The following RABGAP1L variants were observed in gnomAD, a reference collection of about 807,000 sequenced individuals.
RABGAP1L encodes the protein RAB GTPase activating protein 1 like, also known as rab GTPase-activating protein 1-like.
In RABGAP1L, 63 loss-of-function variants were observed where a neutral mutation model predicts 137.7. The observed-to-expected ratio is 0.46, with a 90% CI of 0.37 to 0.56. RABGAP1L has a LOEUF of 0.56. Ranked by LOEUF, RABGAP1L falls within the 20% of genes least tolerant of loss-of-function variation. The probability of loss-of-function intolerance (pLI) is 0.00; values close to 1 mark genes in which losing one functional copy is unlikely to be tolerated. For missense variants in RABGAP1L, 1,095 were observed against 1,244.0 expected, an observed-to-expected ratio of 0.88 and a Z score of 1.80; for synonymous variants, 431 against 433.7, an observed-to-expected ratio of 0.99 and a Z score of 0.08.
At chr1:174,560,730 T>C (rs1667158186) in intron 13 of RABGAP1L, among the ~76,000 whole-genome samples, 1 of 152,100 alleles carries the variant, frequency 6.6e-6, no homozygotes, top group Non-Finnish European at 1.5e-5. Flanking sequence ...CTCCCCCTTC[T>C]AGTAGTCCTT....
At chr1:174,921,016 G>A (rs771037473) in intron 19 of RABGAP1L, among the ~76,000 whole-genome samples, 5 of 152,146 alleles carry the variant, frequency 3.3e-5, no homozygotes, top group Non-Finnish European at 5.9e-5. Context: ...TCCGCCTCCC[G>A]GGTTCAAGCA....
At position 174,699,606 on chromosome 1, in the gene RABGAP1L, G is replaced by A. The variant is rs1248110639; in HGVS notation, c.1981G>A (p.Glu661Lys). 5 of 1,609,218 alleles carry A rather than the reference G, an allele frequency of 3.1e-6. No individual in the cohort carries two copies. The highest frequency in any genetic ancestry group is 1.1e-5 in the South Asian group (1 of 90,946). The change falls in exon 16 of 26, where the codon GAA becomes AAA. Residue 661 changes from glutamate to lysine, a missense_variant. By Grantham distance (56) the Glu-to-Lys change is moderately conservative. This residue lies in a region of RABGAP1L where 315 missense variants were observed against 324.8 expected (regional missense o/e 0.97). Transcript: ENST00000681986. ...GLRDLYRNNFEDLHCKFYQLE... is the reference protein window; with the variant it reads ...GLRDLYRNNFKDLHCKFYQLE... Reference sequence around the variant, plus strand: ...GAGAGACCTCTACAGAAACAACTTCGAAGATCTTCATTGCAAATTCTACCA... The same window carrying A: ...GAGAGACCTCTACAGAAACAACTTCAAAGATCTTCATTGCAAATTCTACCA...
At chr1:174,369,182 T>C (rs1265838850) in intron 11 of RABGAP1L, among the ~76,000 whole-genome samples, 1 of 152,168 alleles carries the variant, frequency 6.6e-6, no homozygotes, top group Non-Finnish European at 1.5e-5. Context: ...AAGTTTAACC[T>C]GTCTTCCAGA....
At position 174,763,250 on chromosome 1, in the gene RABGAP1L, G is replaced by A. The variant is rs186693252; in HGVS notation, c.2211+10896G>A. Among the ~76,000 whole-genome samples, 192 of 152,256 alleles carry A rather than the reference G, an allele frequency of 1.3e-3. 1 individual carries two copies. The highest frequency in any genetic ancestry group is 4.3e-3 in the African/African-American group (180 of 41,558). On this transcript the variant is annotated intron_variant, in intron 18 of 25. Transcript: ENST00000681986. Reference sequence around the variant, plus strand: ...TGTACAATTAGTGGCTGGGTGTGGTGGCTCATGCCTGTAATCCCAGCACTT... The same window carrying A: ...TGTACAATTAGTGGCTGGGTGTGGTAGCTCATGCCTGTAATCCCAGCACTT...
intron 18 of RABGAP1L, among the ~76,000 whole-genome samples, chr1:174,770,526 C>T (rs1686033412): frequency 6.6e-6 from 1 of 152,164 alleles, no homozygotes; most frequent in African/African-American, 2.4e-5. Flanking sequence ...AATAAACACA[C>T]CATTTCCAAG....
At chr1:174,679,244 A>G (rs1032742548) in intron 14 of RABGAP1L, among the ~76,000 whole-genome samples, 3 of 152,160 alleles carry the variant, frequency 2.0e-5, no homozygotes, top group African/African-American at 7.2e-5. Flanking sequence ...CTAAGCTGCA[A>G]GCCCCGTGTT....
chr1:174,876,685 G>C (rs950601740), intron 19 of RABGAP1L, among the ~76,000 whole-genome samples: 2 of 152,156 alleles, frequency 1.3e-5, no homozygotes, highest in Admixed American at 6.5e-5. Context: ...AAAAGATGAA[G>C]AGAACTTTTA....
At chr1:174,175,198 A>G (rs1665733925) in intron 1 of RABGAP1L, among the ~76,000 whole-genome samples, 1 of 152,172 alleles carries the variant, frequency 6.6e-6, no homozygotes, top group Non-Finnish European at 1.5e-5. Context: ...GTTCAGTACA[A>G]TATTATATAA....
chr1:174,561,588 A>G lies in RABGAP1L; in HGVS notation c.1711-75787A>G, dbSNP rs189455980. Among the ~76,000 whole-genome samples the G allele has an allele frequency of 1.3e-3, 191 of 152,350 alleles. 1 individual carries two copies. The highest frequency in any genetic ancestry group is 4.5e-3 in the African/African-American group (186 of 41,580). On this transcript the variant is annotated intron_variant, in intron 13 of 25. Transcript: ENST00000681986. ...CAAAGAGAACAAAGCTGGAGGCATC[A>G]TGCTACCTTACTTCAAACTATACTA... is the stretch of plus-strand genomic sequence containing the variant.
intron 1 of RABGAP1L, among the ~76,000 whole-genome samples, chr1:174,200,106 A>G (rs1667994253): frequency 1.3e-5 from 2 of 152,262 alleles, no homozygotes; most frequent in Admixed American, 6.5e-5. Context: ...TAAAATAGGT[A>G]CCTGAGATGT....
At chr1:174,182,448 C>G (rs1011403777) in intron 1 of RABGAP1L, among the ~76,000 whole-genome samples, 3 of 152,116 alleles carry the variant, frequency 2.0e-5, no homozygotes, top group African/African-American at 7.2e-5. Flanking sequence ...TCATAAAATA[C>G]TTTGGTTAGA....
intron 17 of RABGAP1L, among the ~76,000 whole-genome samples, chr1:174,722,652 T>C (rs954667992): frequency 6.6e-6 from 1 of 151,986 alleles, no homozygotes; most frequent in Non-Finnish European, 1.5e-5. Context: ...GGTTTCATCA[T>C]GTTGTCCAGG....
intron 19 of RABGAP1L, among the ~76,000 whole-genome samples, chr1:174,880,925 C>CTT (rs1654093423): frequency 6.6e-6 from 1 of 152,122 alleles, no homozygotes; most frequent in Admixed American, 6.6e-5. Context: ...TCTTCAAAAA[C>CTT]TAACAGGAGT....
intron 13 of RABGAP1L, among the ~76,000 whole-genome samples, chr1:174,441,068 A>ATG (rs1654080669): frequency 6.7e-6 from 1 of 149,808 alleles, no homozygotes; most frequent in Non-Finnish European, 1.5e-5. Flanking sequence ...ATATATATAT[A>ATG]AAGAATAAAA....
At chr1:174,228,247 T>G (rs531859898) in intron 3 of RABGAP1L, among the ~76,000 whole-genome samples, 104 of 152,090 alleles carry the variant, frequency 6.8e-4, no homozygotes, top group Non-Finnish European at 1.1e-3. Context: ...TGTAGAGTCA[T>G]GAATCTTGGG....
At chr1:174,257,592 A>C (rs977330738) in intron 7 of RABGAP1L, among the ~76,000 whole-genome samples, 1 of 152,170 alleles carries the variant, frequency 6.6e-6, no homozygotes, top group African/African-American at 2.4e-5. Flanking sequence ...TGATATCTTC[A>C]TCATCCTTAA....
At chr1:174,904,863 G>A (rs1190615430) in intron 19 of RABGAP1L, among the ~76,000 whole-genome samples, 1 of 151,980 alleles carries the variant, frequency 6.6e-6, no homozygotes, top group African/African-American at 2.4e-5. Flanking sequence ...TGTTGCCAAG[G>A]CTGGTCTCAA....
chr1:174,638,084 ATTAATT>A (rs1415531781), intron 14 of RABGAP1L, among the ~76,000 whole-genome samples: 1 of 152,188 alleles, frequency 6.6e-6, no homozygotes, highest in Non-Finnish European at 1.5e-5. Context: ...CCATCAAGTT[ATTAATT>A]TTATCAGAAA....
chr1:174,455,657 T>G (rs1311385323), intron 13 of RABGAP1L, among the ~76,000 whole-genome samples: 1 of 152,120 alleles, frequency 6.6e-6, no homozygotes, highest in Non-Finnish European at 1.5e-5. Flanking sequence ...TGGCGTATTT[T>G]TATAGAAATA....
Sources: gnomAD v4.1 joint callset for allele counts (sites outside exome capture counted in the v4.1 genomes callset) on GRCh38, gnomAD v4.1.1 for gene constraint, gnomAD v4.1.1 regional missense constraint, MANE v1.5 for transcripts, NCBI Gene and HGNC (gene_info 2026-07-23, HGNC 2026-07-21) for gene names.